The following SPIRE2 variants were observed in gnomAD, a reference collection of about 807,000 sequenced individuals.
The protein encoded by SPIRE2 is protein spire homolog 2.
Under a neutral mutation model 80.7 loss-of-function variants are expected in SPIRE2, and 76 were observed. The ratio of observed to expected loss-of-function variants is 0.94; its 90% confidence interval spans 0.78 to 1.14. The LOEUF (loss-of-function observed/expected upper bound fraction) is 1.14. SPIRE2 is among the 50% of genes most tolerant of loss of function. The pLI, the probability that SPIRE2 is intolerant of heterozygous loss-of-function variation, is 0.00. For synonymous variants in SPIRE2, 535 were observed against 432.6 expected, an observed-to-expected ratio of 1.24 and a Z score of -2.94; for missense variants, 1,196 against 1,015.3, an observed-to-expected ratio of 1.18 and a Z score of -2.42.
At chr16:89,860,023 G>A (rs1055879165) in intron 9 of SPIRE2, among the ~76,000 whole-genome samples, 3 of 152,268 alleles carry the variant, frequency 2.0e-5, no homozygotes, top group East Asian at 1.9e-4. Flanking sequence ...ACTTAACCTC[G>A]GCCTCCCCCA....
At chr16:89,833,956 CTG>C (rs1480669824) in intron 1 of SPIRE2, among the ~76,000 whole-genome samples, 1 of 152,104 alleles carries the variant, frequency 6.6e-6, no homozygotes, top group Non-Finnish European at 1.5e-5. Context: ...GGGTGTGTCT[CTG>C]TGTGAGCTGG....
rs755151508 is a variant in SPIRE2 at position 89,869,599 on chromosome 16, C to G, written c.1839C>G (p.Ile613Met). The G allele has an allele frequency of 2.5e-6, 4 of 1,613,980 alleles. No individual in the cohort carries two copies. In the African/African-American group the frequency reaches 5.3e-5, roughly 22 times the overall value. Reference protein sequence around the residue: ...MKMPSKKFGHIPVYTLGFESP... With the variant: ...MKMPSKKFGHMPVYTLGFESP... Reference sequence around the variant, plus strand: ...TGCCTTCTAAGAAATTTGGACACATCCCTGTCTACACACTGGGCTTTGAGA... The same window carrying G: ...TGCCTTCTAAGAAATTTGGACACATGCCTGTCTACACACTGGGCTTTGAGA... Residue 613 changes from isoleucine to methionine, a missense_variant, in exon 14 of 15, where the codon ATC (isoleucine) becomes ATG (methionine). Ile to Met is a conservative substitution (Grantham distance 10, BLOSUM62 1). Coordinates refer to ENST00000378247, the MANE Select transcript of SPIRE2 (RefSeq NM_032451.2).
intron 2 of SPIRE2, chr16:89,845,776 C>T (rs908281939): frequency 1.0e-5 from 6 of 601,180 alleles, no homozygotes; most frequent in African/African-American, 1.9e-5. Flanking sequence ...GGAACCTCAC[C>T]GCAGGGCAGG....
chr16:89,834,083 C>CCTG (rs1365431914), intron 1 of SPIRE2, among the ~76,000 whole-genome samples: 1 of 151,182 alleles, frequency 6.6e-6, no homozygotes, highest in Non-Finnish European at 1.5e-5. Context: ...TGTGAACCTG[C>CCTG]CTGCGCTCGC....
chr16:89,844,997 C>T (rs548348523), intron 1 of SPIRE2, among the ~76,000 whole-genome samples: 73 of 152,362 alleles, frequency 4.8e-4, no homozygotes, highest in Admixed American at 1.7e-3. Context: ...CCAGCCCTGA[C>T]TCGCCTTTGA....
chr16:89,860,992 G>C (rs2041739302), intron 10 of SPIRE2, among the ~76,000 whole-genome samples, 197 bp downstream of exon 10: 1 of 152,168 alleles, frequency 6.6e-6, no homozygotes, highest in South Asian at 2.1e-4. Context: ...GGTCTCTGCT[G>C]CCGCCTGCTG....
rs763171668 is a variant in SPIRE2 at position 89,870,161 on chromosome 16, C to A, written c.2034C>A (p.Asp678Glu). The change falls in exon 15 of 15, where the codon GAC becomes GAA. Residue 678 changes from aspartate (D) to glutamate (E), a missense_variant. By Grantham distance (45) the Asp-to-Glu change is conservative (BLOSUM62 2). Transcript: ENST00000378247. ...GTGAGTGCACCAGCTTTGTGGCAGACGTGGTGCGTTCCAGCCGCAAGAGCG... is the reference window on the plus strand; with the variant it reads ...GTGAGTGCACCAGCTTTGTGGCAGAAGTGGTGCGTTCCAGCCGCAAGAGCG... Reference protein sequence around the residue: ...VCSECTSFVADVVRSSRKSVD... With the variant: ...VCSECTSFVAEVVRSSRKSVD... 1.2e-6 allele frequency: 2 copies of A among 1,610,992 alleles called. No homozygotes were observed. The highest frequency in any genetic ancestry group is 1.7e-4 in the Middle Eastern group (1 of 6,024).
At chr16:89,858,538 A>G (rs547331282) in intron 8 of SPIRE2, 31 bp downstream of exon 8, 14 of 1,518,112 alleles carry the variant, frequency 9.2e-6, no homozygotes, top group Non-Finnish European at 1.1e-5. Context: ...CTGAAAAGAG[A>G]CCAGGAATGG....
At chr16:89,869,051 A>ATATATATATATATATATATATATATATGT (rs1179428409) in intron 13 of SPIRE2, among the ~76,000 whole-genome samples, 1 of 30,578 alleles carries the variant, frequency 3.3e-5, no homozygotes, top group Non-Finnish European at 5.2e-5. Context: ...AAAAAAAAAA[A>ATATATATATATATATATATATATATATGT]AAATATATAT....
rs777809151 is a variant in SPIRE2, at chr16:89,845,356, G to A, written c.279G>A (p.Ser93=). Residue 93 remains serine (S), a synonymous_variant, in exon 2 of 15, where the codon TCG becomes TCA. Coordinates refer to ENST00000378247, the MANE Select transcript of SPIRE2 (RefSeq NM_032451.2). ...CCATGGTCGTGCCACTAGCCAGCTC[G>A]GAAGCCCAGGTACTTTTTAAAAAAT... is the stretch of plus-strand genomic sequence containing the variant. ...PATMVVPLAS[S]EAQTVQSLGF... is the part of the protein sequence containing the mutation. 38 of 1,613,906 alleles carry A rather than the reference G, an allele frequency of 2.4e-5. 1 individual carries two copies. The South Asian group carries it at 3.3e-4, about 14-fold the overall frequency.
In SPIRE2 at chr16:89,869,590, T is replaced by C. The variant is rs373170136; in HGVS notation, c.1830T>C (p.Phe610=). The part of the protein sequence containing the change: ...SIKMKMPSKK[F]GHIPVYTLGF... Reference sequence around the variant, plus strand: ...AGATGAAGATGCCTTCTAAGAAATTTGGACACATCCCTGTCTACACACTGG... The same window carrying C: ...AGATGAAGATGCCTTCTAAGAAATTCGGACACATCCCTGTCTACACACTGG... Residue 610 remains phenylalanine (F), a synonymous_variant, in exon 14 of 15, where the codon TTT becomes TTC. Coordinates refer to ENST00000378247, the MANE Select transcript of SPIRE2 (RefSeq NM_032451.2). 104 of 1,613,824 alleles carry C rather than the reference T, an allele frequency of 6.4e-5. No individual in the cohort carries two copies. The highest frequency in any genetic ancestry group is 8.6e-5 in the Non-Finnish European group (102 of 1,179,916).
intron 8 of SPIRE2, 79 bp downstream of exon 8, chr16:89,858,586 A>G (rs2041714189): frequency 7.3e-7 from 1 of 1,364,384 alleles, no homozygotes; most frequent in Non-Finnish European, 9.7e-7. Context: ...GGCTAAGCTA[A>G]GCCGGGGGCA....
rs747811264 is a variant in SPIRE2, at chr16:89,869,641, A to G, written c.1881A>G (p.Ser627=). The G allele has an allele frequency of 1.2e-6, 2 of 1,614,086 alleles. No individual in the cohort carries two copies. The highest frequency in any genetic ancestry group is 1.7e-6 in the Non-Finnish European group (2 of 1,180,040). ...GCTTTGAGAGTCCTCAGAGGGTATC[A>G]GCTGCCAAAACCGCGCCAATCCAGA... The part of the protein sequence containing the change: ...TLGFESPQRV[S]AAKTAPIQRR... Residue 627 remains serine (S), a synonymous_variant, in exon 14 of 15, where the codon TCA becomes TCG. Transcript: ENST00000378247.
Position 89,860,688 on chromosome 16 carries a change from T to A in SPIRE2, c.1468T>A (p.Cys490Ser). 6.3e-7 allele frequency: 1 copy of A among 1,586,974 alleles called. No homozygotes were observed. Among genetic ancestry groups the A allele is most frequent in the Admixed American group, 1.8e-5 (1 of 56,336 alleles). Residue 490 changes from cysteine (C) to serine (S), a missense_variant, in exon 10 of 15, where the codon TGT (cysteine) becomes AGT (serine). By Grantham distance (112) the Cys-to-Ser change is moderately radical. Coordinates refer to ENST00000378247, the MANE Select transcript of SPIRE2 (RefSeq NM_032451.2). ...WRPGSRDQGT[C>S]PASVSDPSHP... ...GAGCCTCTGCTCTCCCCCAGGTACC[T>A]GTCCCGCGAGTGTCTCTGACCCCAG...
chr16:89,844,272 G>A (rs2041535806), intron 1 of SPIRE2, among the ~76,000 whole-genome samples: 2 of 151,924 alleles, frequency 1.3e-5, no homozygotes, highest in Non-Finnish European at 2.9e-5. Flanking sequence ...GGGTTCAAGC[G>A]ATTCTCACGC....
chr16:89,868,242 G>T, intron 13 of SPIRE2, 26 bp downstream of exon 13: 2 of 1,613,720 alleles, frequency 1.2e-6, no homozygotes, highest in Non-Finnish European at 1.7e-6. Flanking sequence ...GATCTCTGGG[G>T]TCTGAGCAAG....
chr16:89,828,950 C>G lies in SPIRE2; in HGVS notation c.244+156C>G, dbSNP rs2041353148. Among the ~76,000 whole-genome samples, 1 of 152,166 alleles carries G rather than the reference C, an allele frequency of 6.6e-6. No individual in the cohort carries two copies. Among genetic ancestry groups the G allele is most frequent in the Admixed American group, 6.5e-5 (1 of 15,282 alleles). ...CCGGAGCTCCCTCCCTCCCACTCTC[C>G]GTCCCTCTTTCCCTCTCTCTTTCCT... On this transcript the variant is annotated intron_variant, in intron 1 of 14. Transcript: ENST00000378247. This position sits in a 1 kb window ranked among gnomAD's most constrained non-coding sequence, Gnocchi z 5.9.
chr16:89,851,975 C>T (rs1003664675), intron 3 of SPIRE2, among the ~76,000 whole-genome samples: 26 of 151,906 alleles, frequency 1.7e-4, no homozygotes, highest in African/African-American at 6.1e-4. Flanking sequence ...GCTGCTCGGC[C>T]TCATCTGCAG....
chr16:89,851,896 A>T (rs1001885839), intron 3 of SPIRE2, among the ~76,000 whole-genome samples: 1 of 152,004 alleles, frequency 6.6e-6, no homozygotes, highest in Admixed American at 6.5e-5. Flanking sequence ...TAACCGAGGA[A>T]GGTTCCTGGC....
Sources: allele counts gnomAD v4.1 joint callset (sites outside exome capture counted in the v4.1 genomes callset), GRCh38; gene constraint gnomAD v4.1.1; non-coding constraint Gnocchi (gnomAD v3.1); transcripts MANE v1.5; gene names NCBI Gene and HGNC (gene_info 2026-07-23, HGNC 2026-07-21).